KCNQ3: variants seen among roughly 807,000 people sequenced by gnomAD.
KCNQ3 encodes potassium voltage-gated channel subfamily KQT member 3.
KCNQ3 carries 30 observed loss-of-function variants against 92.5 expected under a neutral mutation model. That is an observed-to-expected ratio of 0.32 (90% CI 0.24 to 0.44). The LOEUF (loss-of-function observed/expected upper bound fraction) is 0.44, where lower values mean the gene tolerates loss of function less well. KCNQ3 is among the 20% of genes least tolerant of loss of function. The pLI is 1.00. For missense variants in KCNQ3, 913 were observed against 1,140.3 expected, an observed-to-expected ratio of 0.80 and a Z score of 2.87; for synonymous variants, 450 against 468.8, an observed-to-expected ratio of 0.96 and a Z score of 0.52.
intron 1 of KCNQ3, among the ~76,000 whole-genome samples, chr8:132,449,016 A>C (rs888724786): frequency 6.6e-6 from 1 of 152,040 alleles, no homozygotes; most frequent in South Asian, 2.1e-4. Context: ...GGTGTAGACT[A>C]TTCTGGTTGC....
chr8:132,140,042 CACACAG>C (rs1362658489), intron 11 of KCNQ3, 28 bp downstream of exon 11: 42 of 1,417,088 alleles, frequency 3.0e-5, no homozygotes, highest in Non-Finnish European at 3.9e-5. Context: ...GCGGGGGAGG[CACACAG>C]GCACAGGTGG....
At chr8:132,370,460 TG>T (rs770136584) in intron 1 of KCNQ3, among the ~76,000 whole-genome samples, 7 of 152,206 alleles carry the variant, frequency 4.6e-5, no homozygotes, top group Non-Finnish European at 7.3e-5. Flanking sequence ...ACTGGCCAGC[TG>T]GTGTGGGGAC....
chr8:132,357,786 T>TC (rs1219615531), intron 1 of KCNQ3, among the ~76,000 whole-genome samples: 1 of 152,110 alleles, frequency 6.6e-6, no homozygotes, highest in East Asian at 1.9e-4. Context: ...CTCCATGGGA[T>TC]CCCCCACTCC....
At chr8:132,393,040 A>G (rs1007257785) in intron 1 of KCNQ3, among the ~76,000 whole-genome samples, 8 of 152,154 alleles carry the variant, frequency 5.3e-5, no homozygotes, top group Admixed American at 1.3e-4. Flanking sequence ...TGAAGCACAC[A>G]GTAGGTACTT....
intron 6 of KCNQ3, among the ~76,000 whole-genome samples, chr8:132,173,904 T>G (rs1340974734): frequency 6.6e-6 from 1 of 152,192 alleles, no homozygotes; most frequent in East Asian, 1.9e-4. Context: ...CCCAAGGAAT[T>G]CACAGTCCTC....
chr8:132,468,802 C>T (rs1055846563), intron 1 of KCNQ3, among the ~76,000 whole-genome samples: 9 of 152,092 alleles, frequency 5.9e-5, no homozygotes, highest in Non-Finnish European at 1.2e-4. Flanking sequence ...AGAGAGAAGC[C>T]CACCTCGGGG....
At chr8:132,180,793 T>C (rs1826733905) in intron 3 of KCNQ3, among the ~76,000 whole-genome samples, 1 of 148,918 alleles carries the variant, frequency 6.7e-6, no homozygotes, top group African/African-American at 2.5e-5. Flanking sequence ...TGGAAGATGA[T>C]GTTAGGAAGC....
chr8:132,137,383 T>G (rs1267694046), intron 12 of KCNQ3, among the ~76,000 whole-genome samples: 1 of 152,204 alleles, frequency 6.6e-6, no homozygotes, highest in African/African-American at 2.4e-5. Context: ...TAATGCAATA[T>G]CTTGTGATTT....
At chr8:132,284,190 A>T (rs58033513) in intron 1 of KCNQ3, among the ~76,000 whole-genome samples, 5,616 of 152,270 alleles carry the variant, frequency 0.037, 370 homozygotes, top group African/African-American at 0.13. Context: ...TAATAAAAAA[A>T]AATAATAGGG....
chr8:132,321,507 C>T (rs1397661781), intron 1 of KCNQ3: 1 of 152,676 alleles, frequency 6.5e-6, no homozygotes, highest in Non-Finnish European at 1.5e-5. Flanking sequence ...CCACCATGGC[C>T]CTCCTGCTTC....
chr8:132,428,186 T>G (rs1381966920), intron 1 of KCNQ3, among the ~76,000 whole-genome samples: 1 of 152,162 alleles, frequency 6.6e-6, no homozygotes, highest in Non-Finnish European at 1.5e-5. Flanking sequence ...TTTTTCTCCA[T>G]CTGGCACACT....
At chr8:132,460,927 T>G (rs72723103) in intron 1 of KCNQ3, among the ~76,000 whole-genome samples, 13,619 of 152,248 alleles carry the variant, frequency 0.089, 622 homozygotes, top group African/African-American at 0.11. Flanking sequence ...CTACTGATCT[T>G]TTTCCTGTCA....
chr8:132,287,995 G>A (rs144029412), intron 1 of KCNQ3, among the ~76,000 whole-genome samples: 116 of 152,128 alleles, frequency 7.6e-4, no homozygotes, highest in African/African-American at 2.8e-3. Flanking sequence ...TTTGGTCCTG[G>A]GTTGCCACCT....
chr8:132,226,516 C>G (rs1174118080), intron 1 of KCNQ3, among the ~76,000 whole-genome samples: 1 of 151,972 alleles, frequency 6.6e-6, no homozygotes, highest in Non-Finnish European at 1.5e-5. Flanking sequence ...TAGCCAAGGT[C>G]CAAATTATAA....
At chr8:132,184,854 C>T (rs1431334659) in intron 2 of KCNQ3, among the ~76,000 whole-genome samples, 2 of 152,180 alleles carry the variant, frequency 1.3e-5, no homozygotes, top group East Asian at 1.9e-4. Flanking sequence ...ATATTATTCT[C>T]ATCTTACATT....
chr8:132,402,025 T>C (rs1820350303), intron 1 of KCNQ3, among the ~76,000 whole-genome samples: 1 of 152,178 alleles, frequency 6.6e-6, no homozygotes, highest in Non-Finnish European at 1.5e-5. Flanking sequence ...GCCTGGGTTT[T>C]CTCCTTGCAG....
At chr8:132,277,085 A>G (rs1816358864) in intron 1 of KCNQ3, among the ~76,000 whole-genome samples, 1 of 152,102 alleles carries the variant, frequency 6.6e-6, no homozygotes, top group Non-Finnish European at 1.5e-5. Context: ...AAAAAAAAAA[A>G]GGAAAAAGAA....
chr8:132,308,699 G>A (rs535627272), intron 1 of KCNQ3, among the ~76,000 whole-genome samples: 16 of 152,288 alleles, frequency 1.1e-4, no homozygotes, highest in South Asian at 4.1e-4. Context: ...TGGGGCAGCC[G>A]CTGTGATTGA....
At chr8:132,138,163 T>G in intron 11 of KCNQ3, 147 bp from the exon 12 acceptor site, 3 of 860,818 alleles carry the variant, frequency 3.5e-6, no homozygotes, top group African/African-American at 1.7e-5. Context: ...TGGTTCTGGT[T>G]CTACCCCTTG....
Sources: allele counts gnomAD v4.1 joint callset (sites outside exome capture counted in the v4.1 genomes callset), GRCh38; gene constraint gnomAD v4.1.1; transcripts MANE v1.5; gene names NCBI Gene and HGNC (gene_info 2026-07-23, HGNC 2026-07-21).